The following GSE1 variants were observed in gnomAD, a reference collection of about 807,000 sequenced individuals.
GSE1 encodes genetic suppressor element 1.
A neutral mutation model predicts 112.6 loss-of-function variants in GSE1; 32 were observed. The ratio of observed to expected loss-of-function variants is 0.28; its 90% confidence interval spans 0.21 to 0.38. The LOEUF is 0.38. GSE1 is among the 10% of genes least tolerant of loss of function. GSE1 has a pLI of 1.00. For missense variants in GSE1, 2,348 were observed against 1,699.2 expected (o/e 1.38, Z -6.71); for synonymous variants, 1,115 against 735.6 (o/e 1.52, Z -8.35).
At chr16:85,467,588 A>G (rs1281231270) in intron 2 of GSE1, among the ~76,000 whole-genome samples, 1 of 152,090 alleles carries the variant, frequency 6.6e-6, no homozygotes, top group Non-Finnish European at 1.5e-5. Context: ...TCATCCCCCC[A>G]TCTCTCAACC....
intron 2 of GSE1, among the ~76,000 whole-genome samples, chr16:85,540,010 C>G (rs1011060948): frequency 6.6e-6 from 1 of 152,178 alleles, no homozygotes; most frequent in South Asian, 2.1e-4. Flanking sequence ...TATTTTATAT[C>G]GAAGTCAGCA....
intron 1 of GSE1, among the ~76,000 whole-genome samples, chr16:85,345,291 G>A (rs1240485351): frequency 6.6e-6 from 1 of 152,210 alleles, no homozygotes; most frequent in African/African-American, 2.4e-5. Flanking sequence ...CGTAAATAAA[G>A]TTTTATTGGA....
intron 9 of GSE1, 174 bp from the exon 10 acceptor site, chr16:85,662,807 C>T (rs915060477): frequency 6.8e-6 from 4 of 590,830 alleles, no homozygotes; most frequent in South Asian, 2.0e-5. Context: ...TGCAAAGCCC[C>T]AGGACTGGGT....
At position 85,384,757 on chromosome 16, in the gene GSE1, G is replaced by A. The variant is rs576255397; in HGVS notation, c.2464+27114G>A. Reference sequence around the variant, plus strand: ...GCTAATGAAGCCCAGGCTCTCCTGAGGGGACAAGATGTTGATGGAGGCGTG... The same window carrying A: ...GCTAATGAAGCCCAGGCTCTCCTGAAGGGACAAGATGTTGATGGAGGCGTG... On this transcript the variant is annotated intron_variant, in intron 2 of 2. Transcript: ENST00000637419. Among the ~76,000 whole-genome samples the A allele has an allele frequency of 2.6e-5, 4 of 152,296 alleles. No homozygotes were observed. The East Asian group carries it at 7.7e-4, about 29-fold the overall frequency.
intron 1 of GSE1, among the ~76,000 whole-genome samples, chr16:85,616,965 C>T (rs889251309): frequency 3.9e-5 from 6 of 152,304 alleles, no homozygotes; most frequent in African/African-American, 1.4e-4. Flanking sequence ...CACTCGGGGG[C>T]CTTTTAATCT....
chr16:85,414,893 C>T (rs1490577812), intron 2 of GSE1, among the ~76,000 whole-genome samples: 4 of 152,242 alleles, frequency 2.6e-5, no homozygotes, highest in African/African-American at 9.6e-5. Context: ...GCCTCGGCCT[C>T]CCAAAGTGCT....
intron 1 of GSE1, among the ~76,000 whole-genome samples, chr16:85,205,257 G>C (rs539872293): frequency 1.3e-5 from 2 of 151,938 alleles, no homozygotes; most frequent in African/African-American, 4.8e-5. Flanking sequence ...TCAACCTCCC[G>C]AGTAGCTGGA....
chr16:85,190,754 T>G (rs2074802978), intron 1 of GSE1, among the ~76,000 whole-genome samples: 1 of 152,182 alleles, frequency 6.6e-6, no homozygotes. Flanking sequence ...ATTTTTACAT[T>G]AGCAATTTGA....
intron 1 of GSE1, chr16:85,592,159 T>C (rs1236093725): frequency 2.0e-5 from 3 of 151,946 alleles, no homozygotes; most frequent in Non-Finnish European, 4.4e-5. Context: ...TTTTTTTGTT[T>C]GTTTGTTTTT....
intron 2 of GSE1, among the ~76,000 whole-genome samples, chr16:85,476,023 C>T (rs1262654710): frequency 1.3e-5 from 2 of 152,146 alleles, no homozygotes; most frequent in African/African-American, 4.8e-5. Context: ...TGCTGCCTCC[C>T]AGGCTAAGAT....
At chr16:85,595,426 C>G (rs2047180514) in intron 1 of GSE1, 2 of 152,312 alleles carry the variant, frequency 1.3e-5, no homozygotes, top group South Asian at 4.1e-4. Context: ...GAGACTTAGG[C>G]TGGTGGAGAG....
At chr16:85,637,951 G>A (rs1022815371) in intron 2 of GSE1, among the ~76,000 whole-genome samples, 1 of 152,202 alleles carries the variant, frequency 6.6e-6, no homozygotes, top group Middle Eastern at 3.2e-3. Context: ...GCAGCTCCCA[G>A]AGCTGCAGGG....
At chr16:85,329,509 G>A (rs2046295272) in intron 1 of GSE1, among the ~76,000 whole-genome samples, 1 of 151,970 alleles carries the variant, frequency 6.6e-6, no homozygotes, top group Non-Finnish European at 1.5e-5. Context: ...TGGACCCTCA[G>A]TCGGGCACCC....
chr16:85,240,543 C>T (rs1288989555), intron 1 of GSE1, among the ~76,000 whole-genome samples: 4 of 152,122 alleles, frequency 2.6e-5, no homozygotes, highest in Admixed American at 6.5e-5. Context: ...GGCGAGGGGC[C>T]GGTCACTGAG....
intron 1 of GSE1, among the ~76,000 whole-genome samples, chr16:85,334,090 C>T (rs184181097): frequency 3.3e-5 from 5 of 152,346 alleles, no homozygotes; most frequent in African/African-American, 9.6e-5. Flanking sequence ...CTCCCCTGCT[C>T]CTGCCCTCAC....
At chr16:85,484,109 C>G (rs897393561) in intron 2 of GSE1, among the ~76,000 whole-genome samples, 1 of 152,242 alleles carries the variant, frequency 6.6e-6, no homozygotes, top group Admixed American at 6.5e-5. Context: ...ATGTGGCTCC[C>G]GGACCAGTTA....
intron 2 of GSE1, among the ~76,000 whole-genome samples, chr16:85,458,581 C>T (rs986088196): frequency 2.6e-5 from 4 of 152,220 alleles, no homozygotes; most frequent in African/African-American, 9.6e-5. Context: ...CCTGTTGATG[C>T]CCTACTGGCC....
chr16:85,511,791 G>A (rs1263911498), intron 2 of GSE1, among the ~76,000 whole-genome samples: 1 of 152,184 alleles, frequency 6.6e-6, no homozygotes, highest in African/African-American at 2.4e-5. Flanking sequence ...TCCAGGAGCT[G>A]GAAGAGGCAG....
exon 1 of GSE1, chr16:85,170,893 C>G (rs1464550319): frequency 3.0e-6 from 3 of 985,436 alleles, no homozygotes. Flanking sequence ...CAGCCACGCC[C>G]CCGGCATGGC....
Sources: gnomAD v4.1 joint callset for allele counts (sites outside exome capture counted in the v4.1 genomes callset) on GRCh38, gnomAD v4.1.1 for gene constraint, MANE v1.5 for transcripts, NCBI Gene and HGNC (gene_info 2026-07-23, HGNC 2026-07-21) for gene names.